The following TPD52L2 variants were observed in gnomAD, a reference collection of about 807,000 sequenced individuals.
TPD52L2 encodes TPD52 like 2.
In TPD52L2, 19 loss-of-function variants were observed where a neutral mutation model predicts 24.7. That is an observed-to-expected ratio of 0.77 (90% CI 0.54 to 1.13). TPD52L2 has a LOEUF of 1.13. Among genes scored for constraint, TPD52L2 ranks in the 50% most tolerant of loss-of-function variants. The pLI is 0.00. For missense variants in TPD52L2, 236 were observed against 250.4 expected (o/e 0.94, Z 0.39); for synonymous variants, 104 against 100.2 (o/e 1.04, Z -0.23).
chr20:63,866,088 ATTTCTTTC>A (rs376658976), intron 1 of TPD52L2, among the ~76,000 whole-genome samples: 27 of 151,698 alleles, frequency 1.8e-4, no homozygotes, highest in African/African-American at 3.9e-4. Flanking sequence ...GGGATGCTAA[ATTTCTTTC>A]TTTCTTTCTT....
At chr20:63,867,956 T>A (rs6062327) in intron 1 of TPD52L2, among the ~76,000 whole-genome samples, 9,818 of 150,802 alleles carry the variant, frequency 0.065, 550 homozygotes, top group East Asian at 0.25. Flanking sequence ...TTTTTTTTTT[T>A]AAAGAATTTT....
chr20:63,886,145 A>AAAG (rs1445973476), intron 5 of TPD52L2: 2 of 1,173,004 alleles, frequency 1.7e-6, no homozygotes, highest in Non-Finnish European at 2.6e-6. Flanking sequence ...GAGGGCAGTG[A>AAAG]AAGTGGGATC....
rs144578166 is a variant in TPD52L2 at position 63,888,224 on chromosome 20, A to G, written c.477-966A>G. The G allele has an allele frequency of 4.3e-3, 672 of 155,550 alleles. 5 individuals are homozygous for G. The highest frequency in any genetic ancestry group is 0.015 in the African/African-American group (636 of 41,554). 9.6% of individuals were successfully genotyped at this position (155,550 alleles called of 1,614,324 possible). A position where few individuals can be genotyped will look rare whatever the true frequency, so the allele number is the denominator to read the frequency against. On this transcript the variant is annotated intron_variant, in intron 5 of 6. Coordinates refer to ENST00000346249, the MANE Select transcript of TPD52L2 (RefSeq NM_003288.4). ...TAGAGTCCCCGGGCCTGGGAGGGGT[A>G]TCTGTTTGTGTGGGAGGGACTGAGT...
At chr20:63,887,005 C>T (rs1342769414) in intron 5 of TPD52L2, 6 of 173,568 alleles carry the variant, frequency 3.5e-5, no homozygotes, top group South Asian at 1.2e-4. Flanking sequence ...TGTTCAACAT[C>T]TGTCCTGTTT....
chr20:63,871,510 T>C (rs1055204711), intron 2 of TPD52L2, among the ~76,000 whole-genome samples: 11 of 151,428 alleles, frequency 7.3e-5, no homozygotes, highest in African/African-American at 2.7e-4. Flanking sequence ...GCACCATGCC[T>C]GGCTAATTTT....
intron 1 of TPD52L2, among the ~76,000 whole-genome samples, chr20:63,867,885 G>A (rs572657473): frequency 2.3e-4 from 35 of 150,224 alleles, no homozygotes; most frequent in African/African-American, 6.9e-4. Context: ...TGATCCGCCC[G>A]CCTCAGCCTC....
In TPD52L2 at chr20:63,869,503, A is replaced by G. The variant is rs2052383100; in HGVS notation, c.165+62A>G. 3 of 1,600,486 alleles carry G rather than the reference A, an allele frequency of 1.9e-6. No individual in the cohort carries two copies. The African/African-American group carries it at 4.0e-5, about 21-fold the overall frequency. On this transcript the variant is annotated intron_variant, in intron 2 of 6. Coordinates refer to ENST00000346249, the MANE Select transcript of TPD52L2 (RefSeq NM_003288.4). ...GAGTTAAGGCCCTCTTGGATTAGTG[A>G]GAGGCCAGGGTACTGGCCACGCTCG...
chr20:63,866,530 G>A (rs2052242868), intron 1 of TPD52L2, among the ~76,000 whole-genome samples: 1 of 148,998 alleles, frequency 6.7e-6, no homozygotes, highest in Non-Finnish European at 1.5e-5. Flanking sequence ...GCTAGATCTC[G>A]GCTCACTGCA....
intron 1 of TPD52L2, among the ~76,000 whole-genome samples, chr20:63,868,921 G>A (rs2052359566): frequency 6.6e-6 from 1 of 152,166 alleles, no homozygotes; most frequent in African/African-American, 2.4e-5. Flanking sequence ...AGCTTGGGAG[G>A]CAGAGTGAGA....
chr20:63,871,848 G>C (rs142874820), intron 2 of TPD52L2, among the ~76,000 whole-genome samples: 1 of 151,824 alleles, frequency 6.6e-6, no homozygotes, highest in African/African-American at 2.4e-5. Context: ...TGGTCAGGCT[G>C]GTCTCGGACT....
chr20:63,887,503 G>C, intron 5 of TPD52L2: 2 of 1,577,680 alleles, frequency 1.3e-6, no homozygotes, highest in Non-Finnish European at 1.7e-6. Flanking sequence ...AGTTGGGGTT[G>C]TGTGTGGATC....
chr20:63,874,356 C>T (rs1432891206), intron 3 of TPD52L2, among the ~76,000 whole-genome samples: 4 of 147,776 alleles, frequency 2.7e-5, no homozygotes, highest in East Asian at 2.1e-4. Flanking sequence ...CTGGCCACCA[C>T]GCTGGCCTTT....
At chr20:63,873,487 C>CAA (rs111933772) in intron 2 of TPD52L2, among the ~76,000 whole-genome samples, 181 bp from the exon 3 acceptor site, 13 of 119,704 alleles carry the variant, frequency 1.1e-4, no homozygotes, top group East Asian at 6.9e-4. Flanking sequence ...AACTCCATCT[C>CAA]AAAAAAAAAA....
chr20:63,888,150 T>C (rs2053200978), intron 5 of TPD52L2: 2 of 158,886 alleles, frequency 1.3e-5, no homozygotes, highest in East Asian at 1.9e-4. Flanking sequence ...AGGAGAGCCC[T>C]GTTCTCCTTG....
chr20:63,887,872 T>TG lies in TPD52L2; in HGVS notation c.477-1316dup, dbSNP rs1324205186. 3 of 535,396 alleles carry TG rather than the reference T, an allele frequency of 5.6e-6. No individual in the cohort carries two copies. The African/African-American group carries it at 5.8e-5, about 10-fold the overall frequency. 33.2% of individuals were successfully genotyped at this position (535,396 alleles called of 1,614,324 possible). The stretch of plus-strand genomic sequence containing the variant: ...CCGTGTCCTTTCCAAGTCCTGACCC[T>TG]GGCTGCCTGCAGTGGGTGGGGTGGG... On this transcript the variant is annotated intron_variant, in intron 5 of 6. Coordinates refer to ENST00000346249, the MANE Select transcript of TPD52L2 (RefSeq NM_003288.4).
chr20:63,879,833 G>C (rs2052829590), intron 4 of TPD52L2, among the ~76,000 whole-genome samples: 1 of 112,502 alleles, frequency 8.9e-6, no homozygotes, highest in Non-Finnish European at 1.9e-5. Flanking sequence ...CACAAATGCA[G>C]GTGCAGCTTC....
intron 3 of TPD52L2, among the ~76,000 whole-genome samples, chr20:63,874,228 TTGTGTGTG>T (rs547406712): frequency 7.1e-5 from 10 of 140,010 alleles, no homozygotes; most frequent in Non-Finnish European, 9.2e-5. Context: ...ATTTTTTTTT[TTGTGTGTG>T]TGTGTGTGTG....
intron 4 of TPD52L2, among the ~76,000 whole-genome samples, chr20:63,878,318 G>A (rs2052768038): frequency 1.3e-5 from 2 of 152,250 alleles, no homozygotes; most frequent in Non-Finnish European, 2.9e-5. Context: ...GAATGCGAGA[G>A]CAGCTGTGTT....
At chr20:63,867,827 G>T (rs1317046614) in intron 1 of TPD52L2, among the ~76,000 whole-genome samples, 1 of 148,872 alleles carries the variant, frequency 6.7e-6, no homozygotes, top group South Asian at 2.1e-4. Context: ...AAAAAGAGAC[G>T]GGGTTTCACC....
Sources: gnomAD v4.1 joint callset for allele counts (sites outside exome capture counted in the v4.1 genomes callset) on GRCh38, gnomAD v4.1.1 for gene constraint, MANE v1.5 for transcripts, NCBI Gene and HGNC (gene_info 2026-07-23, HGNC 2026-07-21) for gene names.